RPL3L: variants seen among roughly 807,000 people sequenced by gnomAD.
RPL3L encodes ribosomal protein L3 like.
Under a neutral mutation model 44.5 loss-of-function variants are expected in RPL3L, and 44 were observed. That is an observed-to-expected ratio of 0.99 (90% CI 0.78 to 1.27). The LOEUF is 1.27. RPL3L is among the 50% of genes most tolerant of loss of function. The probability of loss-of-function intolerance (pLI) is 0.00; values close to 1 mark genes in which losing one functional copy is unlikely to be tolerated. For missense variants in RPL3L, 631 were observed against 569.1 expected, an observed-to-expected ratio of 1.11 and a Z score of -1.11; for synonymous variants, 292 against 230.7, an observed-to-expected ratio of 1.27 and a Z score of -2.41.
intron 4 of RPL3L, among the ~76,000 whole-genome samples, chr16:1,949,249 T>TTTG (rs2083150377): frequency 2.7e-5 from 3 of 110,616 alleles, no homozygotes; most frequent in Non-Finnish European, 3.6e-5. Flanking sequence ...TTTTTGTTTT[T>TTTG]TTTTTTTTTC....
chr16:1,946,891 C>G, intron 6 of RPL3L, 47 bp downstream of exon 6: 1 of 1,570,202 alleles, frequency 6.4e-7, no homozygotes, highest in Non-Finnish European at 8.6e-7. Context: ...GTACTGAGGG[C>G]TGGGGTCCGA....
chr16:1,953,122 G>A (rs338778), intron 2 of RPL3L, 80 bp from the exon 3 acceptor site: 175,481 of 1,463,640 alleles, frequency 0.12, 11,956 homozygotes, highest in South Asian at 0.26. Flanking sequence ...CGCCCACATA[G>A]GGGCAGGACA....
intron 3 of RPL3L, among the ~76,000 whole-genome samples, chr16:1,952,440 G>A (rs571474933): frequency 2.0e-5 from 3 of 151,942 alleles, no homozygotes; most frequent in South Asian, 2.1e-4. Flanking sequence ...GCAGTGGCAC[G>A]ATCTCAGCTC....
At chr16:1,945,766 C>A in intron 8 of RPL3L, 69 bp downstream of exon 8, 2 of 1,606,506 alleles carry the variant, frequency 1.2e-6, no homozygotes, top group South Asian at 2.2e-5. Flanking sequence ...CCGCTCGTAG[C>A]AGGCCGCAGG....
intron 4 of RPL3L, among the ~76,000 whole-genome samples, chr16:1,949,720 C>T (rs1342011720): frequency 8.3e-5 from 7 of 83,846 alleles, no homozygotes; most frequent in Non-Finnish European, 1.4e-4. Flanking sequence ...CAGGTATGGA[C>T]GGGGCAGTAT....
intron 8 of RPL3L, 27 bp from the exon 9 acceptor site, chr16:1,945,645 T>G: frequency 6.2e-7 from 1 of 1,613,254 alleles, no homozygotes; most frequent in Non-Finnish European, 8.5e-7. Context: ...AAAGTAAACA[T>G]CAAGTGTGGG....
At chr16:1,949,253 T>TTTTTC (rs2083150521) in intron 4 of RPL3L, among the ~76,000 whole-genome samples, 5 of 105,090 alleles carry the variant, frequency 4.8e-5, no homozygotes, top group Non-Finnish European at 1.8e-5. Context: ...TGTTTTTTTT[T>TTTTTC]TTTTTCTTTT....
intron 4 of RPL3L, among the ~76,000 whole-genome samples, chr16:1,950,117 G>T (rs2083161326): frequency 9.5e-6 from 1 of 104,962 alleles, no homozygotes; most frequent in Non-Finnish European, 2.0e-5. Context: ...GACGGGGCAG[G>T]TATGTAGGGG....
rs2083127300 is a variant in RPL3L at position 1,947,027 on chromosome 16, T to C, written c.760A>G (p.Ile254Val). The C allele has an allele frequency of 6.2e-7, 1 of 1,612,842 alleles. No individual in the cohort carries two copies. Among genetic ancestry groups the C allele is most frequent in the Non-Finnish European group, 8.5e-7 (1 of 1,179,852 alleles). ...THKGLRKVAC[I>V]GAWHPARVGC... ...ACGCGGGCGGGGTGCCAGGCGCCAATGCAGGCCACCTTGCGCAGGCCCTTA... is the reference window on the plus strand; with the variant it reads ...ACGCGGGCGGGGTGCCAGGCGCCAACGCAGGCCACCTTGCGCAGGCCCTTA... The change falls in exon 6 of 10, where the codon ATT (isoleucine) becomes GTT (valine). Residue 254 changes from isoleucine (I) to valine (V), a missense_variant. By Grantham distance (29) the Ile-to-Val change is conservative (BLOSUM62 3). Transcript: ENST00000268661.
At chr16:1,947,789 C>T (rs1311980099) in intron 4 of RPL3L, among the ~76,000 whole-genome samples, 1 of 152,074 alleles carries the variant, frequency 6.6e-6, no homozygotes, top group African/African-American at 2.4e-5. Context: ...TTTGCACAGG[C>T]CTGGTGGCAG....
chr16:1,954,481 C>A, intron 1 of RPL3L, 148 bp downstream of exon 1: 1 of 938,976 alleles, frequency 1.1e-6, no homozygotes, highest in South Asian at 1.8e-5. Flanking sequence ...GGAGCCCAGC[C>A]CTCGTCCCCT....
Position 1,953,951 on chromosome 16 carries a change from C to CT in RPL3L, c.196+4dup, listed in dbSNP as rs1329057910. On this transcript the variant is annotated splice_donor_region_variant and intron_variant, in intron 2 of 9. Transcript: ENST00000268661. ...CCTCCCCCAAGGGTCCCAACTGTGA[C>CT]TCACTGAGCCCCGGCCGGTGCACCT... The CT allele has an allele frequency of 6.6e-7, 1 of 1,514,622 alleles. No individual in the cohort carries two copies. Among genetic ancestry groups the CT allele is most frequent in the Non-Finnish European group, 8.9e-7 (1 of 1,125,676 alleles). The allele number at this position is 1,514,622 out of a possible 1,614,324, so 93.8% of individuals were successfully genotyped here.
chr16:1,946,344 C>G (rs369583126), intron 7 of RPL3L, among the ~76,000 whole-genome samples: 1 of 152,190 alleles, frequency 6.6e-6, no homozygotes, highest in African/African-American at 2.4e-5. Flanking sequence ...GGATGTGGGA[C>G]GCAGCAGAGA....
rs371136983 is a variant in RPL3L at position 1,954,077 on chromosome 16, G to T, written c.75C>A (p.His25Gln). ...GCGGCCACGTCTTCACCTTGCCCCGGTGCCGGTGGCTCCTCTTATGGGGCA... is the reference window on the plus strand; with the variant it reads ...GCGGCCACGTCTTCACCTTGCCCCGTTGCCGGTGGCTCCTCTTATGGGGCA... The part of the protein sequence containing the change: ...GFLPHKRSHR[H>Q]RGKVKTWPRD... Residue 25 changes from histidine (H) to glutamine (Q), a missense_variant, in exon 2 of 10, where the codon CAC becomes CAA. By Grantham distance (24) the His-to-Gln change is conservative. Coordinates refer to ENST00000268661, the MANE Select transcript of RPL3L (RefSeq NM_005061.3). 1.9e-6 allele frequency: 3 copies of T among 1,604,678 alleles called. No homozygotes were observed. The highest frequency in any genetic ancestry group is 2.5e-6 in the Non-Finnish European group (3 of 1,176,656).
chr16:1,947,209 C>T lies in RPL3L; in HGVS notation c.673G>A (p.Gly225Ser). Residue 225 changes from glycine to serine, a missense_variant, in exon 5 of 10, where the codon GGT (glycine) becomes AGT (serine). By Grantham distance (56) the Gly-to-Ser change is moderately conservative. Coordinates refer to ENST00000268661, the MANE Select transcript of RPL3L (RefSeq NM_005061.3). ...TGAGCCCTACCTTTGACGCCTCGAC[C>T]CTTGGTGACAGCAATGACATCAATG... ...EVIDVIAVTK[G>S]RGVKGVTSRW... 1 of 1,612,920 alleles carries T rather than the reference C, an allele frequency of 6.2e-7. No individual in the cohort carries two copies. Among genetic ancestry groups the T allele is most frequent in the Non-Finnish European group, 8.5e-7 (1 of 1,179,300 alleles).
intron 5 of RPL3L, 31 bp downstream of exon 5, chr16:1,947,162 GC>G: frequency 6.2e-7 from 1 of 1,612,848 alleles, no homozygotes; most frequent in Non-Finnish European, 8.5e-7. Context: ...CAGGCAGCCT[GC>G]CCTGGAGCTG....
chr16:1,950,071 G>A (rs1034321272), intron 4 of RPL3L, among the ~76,000 whole-genome samples: 9 of 130,648 alleles, frequency 6.9e-5, no homozygotes, highest in Non-Finnish European at 1.3e-4. Context: ...GTAGGGGGCA[G>A]GTATGGACGG....
chr16:1,944,628 C>T lies in RPL3L; in HGVS notation c.*209G>A. 1 of 578,478 alleles carries T rather than the reference C, an allele frequency of 1.7e-6. No homozygotes were observed. Among genetic ancestry groups the T allele is most frequent in the Non-Finnish European group, 3.1e-6 (1 of 322,462 alleles). The allele number at this position is 578,478 out of a possible 1,614,324, so 35.8% of individuals were successfully genotyped here. On this transcript the variant is annotated 3_prime_UTR_variant, in exon 10 of 10. Coordinates refer to ENST00000268661, the MANE Select transcript of RPL3L (RefSeq NM_005061.3). Reference sequence around the variant, plus strand: ...ATAATAAAACATAAAACTCCGGTCTCCCGCACAGCCAGCTCTGTGTGAATT... The same window carrying T: ...ATAATAAAACATAAAACTCCGGTCTTCCGCACAGCCAGCTCTGTGTGAATT...
chr16:1,953,959 G>GCC lies in RPL3L; in HGVS notation c.191_192dup (p.Leu65GlyfsTer13). The GCC allele has an allele frequency of 6.5e-7, 1 of 1,529,722 alleles. No homozygotes were observed. The highest frequency in any genetic ancestry group is 8.8e-7 in the Non-Finnish European group (1 of 1,132,702). The allele number at this position is 1,529,722 out of a possible 1,614,324, so 94.8% of individuals were successfully genotyped here. A position where few individuals can be genotyped will look rare whatever the true frequency, so the allele number is the denominator to read the frequency against. On this transcript the variant is annotated frameshift_variant, in exon 2 of 10. Transcript: ENST00000268661. LOFTEE classifies it high-confidence loss of function. ...AAGGGTCCCAACTGTGACTCACTGA[G>GCC]CCCCGGCCGGTGCACCTCCCGCAGG...
Sources: allele counts gnomAD v4.1 joint callset (sites outside exome capture counted in the v4.1 genomes callset), GRCh38; gene constraint gnomAD v4.1.1; transcripts MANE v1.5; gene names NCBI Gene and HGNC (gene_info 2026-07-23, HGNC 2026-07-21).